Variants in CACNA1B observed in about 807,000 individuals in gnomAD.
The protein encoded by CACNA1B is voltage-dependent N-type calcium channel subunit alpha-1B.
In CACNA1B, 70 loss-of-function variants were observed where a neutral mutation model predicts 247.2. The observed-to-expected ratio is 0.28, with a 90% confidence interval of 0.23 to 0.35. The LOEUF (loss-of-function observed/expected upper bound fraction) is 0.35. Among genes scored for constraint, CACNA1B ranks in the 10% least tolerant of loss-of-function variants. CACNA1B has a pLI of 1.00. For synonymous variants in CACNA1B, 1,231 were observed against 1,294.4 expected (o/e 0.95, Z 1.05); for missense variants, 2,367 against 3,197.4 (o/e 0.74, Z 6.26).
Position 138,020,492 on chromosome 9 carries a change from G to A in CACNA1B, c.2268-2519G>A, listed in dbSNP as rs931590967. 1.8e-4 allele frequency among the ~76,000 whole-genome samples: 27 copies of A among 152,340 alleles called. No homozygotes were observed. The highest frequency in any genetic ancestry group is 6.0e-4 in the African/African-American group (25 of 41,582). ...CCAGGGGAGGTGCAGGCTGACTTAA[G>A]ACACCATGCAGAGAGGCCCGGCACG... On this transcript the variant is annotated intron_variant, in intron 18 of 46. Coordinates refer to ENST00000371372, the MANE Select transcript of CACNA1B (RefSeq NM_000718.4). This position sits in a 1 kb window ranked among gnomAD's most constrained non-coding sequence, Gnocchi z 4.1.
chr9:138,114,619 A>G (rs1160153432), intron 41 of CACNA1B, 129 bp downstream of exon 41: 11 of 611,430 alleles, frequency 1.8e-5, no homozygotes, highest in East Asian at 8.3e-5. Context: ...AAGATGAAAG[A>G]TTCTTGCAGC....
At position 138,121,776 on chromosome 9, in the gene CACNA1B, G is replaced by A; in HGVS notation, c.6797G>A (p.Ser2266Asn). ...SDPYLGQRLD[S>N]EASVHALPED... ...CCTTACCTGGGGCAGCGTCTGGACA[G>A]TGAGGCCTCTGTCCACGCCCTGCCT... The change falls in exon 47 of 47, where the codon AGT (serine) becomes AAT (asparagine). Residue 2266 changes from serine to asparagine, a missense_variant. By Grantham distance (46) the Ser-to-Asn change is conservative (BLOSUM62 1). This residue lies in a region of CACNA1B where 773 missense variants were observed against 779.4 expected (regional missense o/e 0.99). Transcript: ENST00000371372. This position sits in a 1 kb window ranked among gnomAD's most constrained non-coding sequence, Gnocchi z 6.8. 1.2e-6 allele frequency: 2 copies of A among 1,612,988 alleles called. No individual in the cohort carries two copies. Among genetic ancestry groups the A allele is most frequent in the Non-Finnish European group, 1.7e-6 (2 of 1,179,588 alleles).
chr9:137,989,233 C>G (rs1306016706), intron 15 of CACNA1B, among the ~76,000 whole-genome samples: 2 of 152,128 alleles, frequency 1.3e-5, no homozygotes, highest in Non-Finnish European at 2.9e-5. Context: ...AAGAAAAGAC[C>G]TAAACCAAAT....
At chr9:137,927,180 G>A (rs116174649) in intron 6 of CACNA1B, among the ~76,000 whole-genome samples, 1 of 151,480 alleles carries the variant, frequency 6.6e-6, no homozygotes, top group African/African-American at 2.4e-5. Flanking sequence ...TCACATTCAG[G>A]TCTTTGATCC....
chr9:138,112,599 G>A, intron 40 of CACNA1B, 94 bp downstream of exon 40: 1 of 831,164 alleles, frequency 1.2e-6, no homozygotes. Flanking sequence ...GAGGGATGAA[G>A]GGCAGGCCAC....
At chr9:138,025,205 C>G (rs200196393) in intron 20 of CACNA1B, 33 bp downstream of exon 20, 1 of 1,465,710 alleles carries the variant, frequency 6.8e-7, no homozygotes, top group Non-Finnish European at 9.4e-7. Flanking sequence ...GGGGCAGGGC[C>G]CATCTTGTGC....
rs118167291 is a variant in CACNA1B, at chr9:138,012,207, G to C, written c.2161-922G>C. Among the ~76,000 whole-genome samples, 167 of 152,322 alleles carry C rather than the reference G, an allele frequency of 1.1e-3. 4 individuals carry two copies. In the East Asian group the frequency reaches 0.027, roughly 25 times the overall value. On this transcript the variant is annotated intron_variant, in intron 17 of 46. Transcript: ENST00000371372. This position sits in a 1 kb window ranked among gnomAD's most constrained non-coding sequence, Gnocchi z 4.2. Reference sequence around the variant, plus strand: ...TCTGACAGCCACAGCTGGGGAAATGGGGACAGACATGGTCTGCTGGCTCCA... The same window carrying C: ...TCTGACAGCCACAGCTGGGGAAATGCGGACAGACATGGTCTGCTGGCTCCA...
chr9:138,031,508 A>C (rs1007093975), intron 20 of CACNA1B, among the ~76,000 whole-genome samples: 1 of 152,082 alleles, frequency 6.6e-6, no homozygotes, highest in Non-Finnish European at 1.5e-5. Context: ...TCCTATAAGC[A>C]TTGTTTAGAT....
At chr9:138,023,863 G>A in intron 19 of CACNA1B, 52 bp downstream of exon 19, 2 of 888,918 alleles carry the variant, frequency 2.2e-6, no homozygotes, top group East Asian at 2.8e-5. Flanking sequence ...CCGGGGCGGC[G>A]CGGGCCCCAG....
Position 137,984,252 on chromosome 9 carries a change from T to C in CACNA1B, c.1769+2T>C. ...GCTGAGGATCTTCAAAGTCACGAAG[T>C]ACGTCCCCTGCGCTCCCAGGCGAGG... On this transcript the variant is annotated splice_donor_variant, in intron 13 of 46. Coordinates refer to ENST00000371372, the MANE Select transcript of CACNA1B (RefSeq NM_000718.4). LOFTEE classifies it high-confidence loss of function. 1 of 1,574,672 alleles carries C rather than the reference T, an allele frequency of 6.4e-7. No homozygotes were observed.
Position 138,023,121 on chromosome 9 carries a change from C to T in CACNA1B, c.2378C>T (p.Pro793Leu), listed in dbSNP as rs1233278047. ...GAGGCGCTGTACAGCGAGATGGACC[C>T]CGAGGAGCGGCTGCGCTTCGCCACT... Reference protein sequence around the residue: ...SCEALYSEMDPEERLRFATTR... With the variant: ...SCEALYSEMDLEERLRFATTR... Residue 793 changes from proline to leucine, a missense_variant, in exon 19 of 47, where the codon CCC becomes CTC. Coordinates refer to ENST00000371372, the MANE Select transcript of CACNA1B (RefSeq NM_000718.4). 1.3e-6 allele frequency: 2 copies of T among 1,536,778 alleles called. No homozygotes were observed. The highest frequency in any genetic ancestry group is 5.0e-5 in the East Asian group (2 of 40,254).
At position 138,010,836 on chromosome 9, in the gene CACNA1B, C is replaced by T. The variant is rs1358351401; in HGVS notation, c.2160+759C>T. 6.6e-6 allele frequency among the ~76,000 whole-genome samples: 1 copy of T among 152,218 alleles called. No homozygotes were observed. Among genetic ancestry groups the T allele is most frequent in the Non-Finnish European group, 1.5e-5 (1 of 68,026 alleles). Reference sequence around the variant, plus strand: ...CAGTTCTGTCACTCCAGTCCAGTGTCTCTCCATGCCTTCCCTGTTCCGGGG... The same window carrying T: ...CAGTTCTGTCACTCCAGTCCAGTGTTTCTCCATGCCTTCCCTGTTCCGGGG... On this transcript the variant is annotated intron_variant, in intron 17 of 46. Coordinates refer to ENST00000371372, the MANE Select transcript of CACNA1B (RefSeq NM_000718.4). The surrounding 1 kb of genome is among the most constrained non-coding windows in gnomAD (Gnocchi z 5.3).
chr9:138,111,812 T>C (rs762329262), intron 39 of CACNA1B, among the ~76,000 whole-genome samples: 5 of 152,186 alleles, frequency 3.3e-5, no homozygotes, highest in Admixed American at 6.5e-5. Flanking sequence ...GGGGCTCCTT[T>C]TACCTTCAGG....
chr9:137,988,489 T>G (rs1958394052), intron 15 of CACNA1B, among the ~76,000 whole-genome samples: 1 of 152,134 alleles, frequency 6.6e-6, no homozygotes, highest in South Asian at 2.1e-4. Flanking sequence ...GAAGTTGAAG[T>G]TGGGAGGAAA....
chr9:138,099,673 C>A (rs1233934256), intron 37 of CACNA1B, among the ~76,000 whole-genome samples: 1 of 132,558 alleles, frequency 7.5e-6, no homozygotes, highest in Non-Finnish European at 1.6e-5. Flanking sequence ...TGCGCATGTG[C>A]CTGTGTGGGT....
Position 138,102,894 on chromosome 9 carries a change from T to G in CACNA1B, c.5319+87T>G. 1 of 785,764 alleles carries G rather than the reference T, an allele frequency of 1.3e-6. No homozygotes were observed. Among genetic ancestry groups the G allele is most frequent in the East Asian group, 2.8e-5 (1 of 36,020 alleles). The allele number at this position is 785,764 out of a possible 1,614,324, so 48.7% of individuals were successfully genotyped here. On this transcript the variant is annotated intron_variant, in intron 38 of 46. Coordinates refer to ENST00000371372, the MANE Select transcript of CACNA1B (RefSeq NM_000718.4). This position sits in a 1 kb window ranked among gnomAD's most constrained non-coding sequence, Gnocchi z 5.4. ...GCTGGCTCTCCCAGCTCCTCTCCCT[T>G]TCAGGGTGCCCGGCTGTCTGTCTGC...
At chr9:137,964,538 A>G (rs1022786743) in intron 10 of CACNA1B, among the ~76,000 whole-genome samples, 12 of 152,176 alleles carry the variant, frequency 7.9e-5, no homozygotes, top group South Asian at 4.1e-4. Flanking sequence ...TTTCAGCTCT[A>G]ACAGGTTGGT....
Position 138,020,249 on chromosome 9 carries a change from T to C in CACNA1B, c.2268-2762T>C, listed in dbSNP as rs151006249. Among the ~76,000 whole-genome samples, 1 of 152,260 alleles carries C rather than the reference T, an allele frequency of 6.6e-6. No individual in the cohort carries two copies. Among genetic ancestry groups the C allele is most frequent in the African/African-American group, 2.4e-5 (1 of 41,554 alleles). ...TTGAGGCCACTTCCAAGTCCTGTAG[T>C]TCCCCACAGCACCCAGCTGAGCATG... On this transcript the variant is annotated intron_variant, in intron 18 of 46. Transcript: ENST00000371372. The surrounding 1 kb of genome is among the most constrained non-coding windows in gnomAD (Gnocchi z 4.1).
rs1028000779 is a variant in CACNA1B, at chr9:137,953,731, G to T, written c.1070+1354G>T. ...GGTCTTTCAGGCAGAGAACAGCTGGGGTGGAGGCACAGTGGACAGAAGGTT... is the reference window on the plus strand; with the variant it reads ...GGTCTTTCAGGCAGAGAACAGCTGGTGTGGAGGCACAGTGGACAGAAGGTT... On this transcript the variant is annotated intron_variant, in intron 7 of 46. Coordinates refer to ENST00000371372, the MANE Select transcript of CACNA1B (RefSeq NM_000718.4). Among the ~76,000 whole-genome samples, 13 of 152,276 alleles carry T rather than the reference G, an allele frequency of 8.5e-5. No homozygotes were observed. The East Asian group carries it at 1.4e-3, about 16-fold the overall frequency.
Sources: allele counts gnomAD v4.1 joint callset (sites outside exome capture counted in the v4.1 genomes callset), GRCh38; gene constraint gnomAD v4.1.1; regional missense constraint gnomAD v4.1.1; non-coding constraint Gnocchi (gnomAD v3.1); transcripts MANE v1.5; gene names NCBI Gene and HGNC (gene_info 2026-07-23, HGNC 2026-07-21).